The following LRP1 variants were observed in gnomAD, a reference collection of about 807,000 sequenced individuals.
LRP1 encodes prolow-density lipoprotein receptor-related protein 1.
Under a neutral mutation model 541.5 loss-of-function variants are expected in LRP1, and 51 were observed. That is an observed-to-expected ratio of 0.09 (90% CI 0.08 to 0.12). LRP1 has a LOEUF of 0.12. Ranked by LOEUF, LRP1 falls within the 10% of genes least tolerant of loss-of-function variation. LRP1 has a pLI of 1.00. For missense variants in LRP1, 3,878 were observed against 6,376.2 expected (o/e 0.61, Z 13.34); for synonymous variants, 2,219 against 2,470.8 (o/e 0.90, Z 3.02).
chr12:57,155,991 G>A, intron 8 of LRP1, 103 bp from the exon 9 acceptor site: 6 of 839,252 alleles, frequency 7.1e-6, no homozygotes, highest in Non-Finnish European at 1.2e-5. Context: ...GGATGAATTG[G>A]GGAATGCAGG....
intron 41 of LRP1, 89 bp from the exon 42 acceptor site, chr12:57,187,178 G>T: frequency 7.3e-7 from 1 of 1,375,614 alleles, no homozygotes; most frequent in African/African-American, 1.4e-5. Flanking sequence ...CCAGCCAGGA[G>T]AGCACCTGCC....
At chr12:57,170,162 T>C (rs952969842) in intron 20 of LRP1, among the ~76,000 whole-genome samples, 9 of 152,224 alleles carry the variant, frequency 5.9e-5, no homozygotes, top group African/African-American at 2.2e-4. Flanking sequence ...GTGTCCTCCC[T>C]GTGGGCATGT....
At position 57,206,469 on chromosome 12, in the gene LRP1, C is replaced by G. The variant is rs764118726; in HGVS notation, c.11591-4C>G. 1.9e-6 allele frequency: 3 copies of G among 1,613,498 alleles called. No homozygotes were observed. The highest frequency in any genetic ancestry group is 2.5e-6 in the Non-Finnish European group (3 of 1,179,764). On this transcript the variant is annotated splice_region_variant and splice_polypyrimidine_tract_variant and intron_variant, in intron 75 of 88. Transcript: ENST00000243077. This position sits in a 1 kb window ranked among gnomAD's most constrained non-coding sequence, Gnocchi z 4.7. ...GCCCCAGCCCTGGCCTCTTGCTTCT[C>G]CAGGCTCTGAGTACCAGGTCCTGTA... is the stretch of plus-strand genomic sequence containing the variant.
chr12:57,210,001 A>T (rs754935033), intron 80 of LRP1, 28 bp from the exon 81 acceptor site: 25 of 1,589,958 alleles, frequency 1.6e-5, no homozygotes, highest in Non-Finnish European at 2.1e-5. Flanking sequence ...CCTGCTCAGC[A>T]TCCTCCCCAC....
In LRP1 at chr12:57,201,604, G is replaced by C; in HGVS notation, c.10453G>C (p.Glu3485Gln). The C allele has an allele frequency of 6.2e-7, 1 of 1,613,238 alleles. No homozygotes were observed. The highest frequency in any genetic ancestry group is 8.5e-7 in the Non-Finnish European group (1 of 1,179,376). The change falls in exon 66 of 89, where the codon GAG becomes CAG. Residue 3485 changes from glutamate (E) to glutamine (Q), a missense_variant. This residue lies in a region of LRP1 where 278 missense variants were observed against 536.3 expected (regional missense o/e 0.52). Coordinates refer to ENST00000243077, the MANE Select transcript of LRP1 (RefSeq NM_002332.3). This position sits in a 1 kb window ranked among gnomAD's most constrained non-coding sequence, Gnocchi z 6.4. Reference sequence around the variant, plus strand: ...CAATGACTGTGTGGATGGCAGTGATGAGCCCGCCAACTGCAGTGAGTTGCC... The same window carrying C: ...CAATGACTGTGTGGATGGCAGTGATCAGCCCGCCAACTGCAGTGAGTTGCC... ...RDNDCVDGSDEPANCTQMTCG... is the reference protein window; with the variant it reads ...RDNDCVDGSDQPANCTQMTCG...
intron 6 of LRP1, among the ~76,000 whole-genome samples, chr12:57,147,235 C>T (rs921783813): frequency 1.3e-5 from 2 of 152,048 alleles, no homozygotes; most frequent in African/African-American, 4.8e-5. Flanking sequence ...CCTCCCCCTG[C>T]TCCACGTCCC....
intron 6 of LRP1, among the ~76,000 whole-genome samples, chr12:57,150,251 A>G (rs1200388712): frequency 4.8e-5 from 6 of 124,808 alleles, no homozygotes; most frequent in African/African-American, 6.3e-5. Flanking sequence ...GAGTGCAGTG[A>G]TGCAATCTTG....
chr12:57,195,945 G>A lies in LRP1; in HGVS notation c.8643G>A (p.Glu2881=), dbSNP rs2036522951. 1.2e-6 allele frequency: 2 copies of A among 1,613,490 alleles called. No homozygotes were observed. Among genetic ancestry groups the A allele is most frequent in the South Asian group, 1.1e-5 (1 of 91,090 alleles). Residue 2881 remains glutamate, a synonymous_variant, in exon 54 of 89, where the codon GAG becomes GAA. Transcript: ENST00000243077. The part of the protein sequence containing the change: ...LSSRQWECDG[E]NDCHDQSDEA... ...CCCGCCAGTGGGAGTGTGATGGCGA[G>A]AATGACTGCCACGACCAGAGTGACG...
chr12:57,128,623 T>G lies in LRP1; in HGVS notation c.-342T>G, dbSNP rs2034965130. The G allele has an allele frequency of 3.4e-6, 1 of 290,724 alleles. No homozygotes were observed. The highest frequency in any genetic ancestry group is 6.3e-6 in the Non-Finnish European group (1 of 158,566). 18.0% of individuals were successfully genotyped at this position (290,724 alleles called of 1,614,324 possible). The stretch of plus-strand genomic sequence containing the variant: ...ACGCCCCCCACCCCCCCTCCCCGCC[T>G]CCTCCCAATTGTGCATTTTTGCAGC... On this transcript the variant is annotated 5_prime_UTR_variant, in exon 1 of 89. Coordinates refer to ENST00000243077, the MANE Select transcript of LRP1 (RefSeq NM_002332.3).
chr12:57,193,483 G>A (rs1397873004), intron 46 of LRP1, 83 bp from the exon 47 acceptor site: 2 of 1,556,976 alleles, frequency 1.3e-6, no homozygotes, highest in Non-Finnish European at 1.7e-6. Flanking sequence ...GGGGTGGCCA[G>A]CTGGACACGT....
At position 57,195,698 on chromosome 12, in the gene LRP1, G is replaced by T; in HGVS notation, c.8478G>T (p.Gln2826His). 6.2e-6 allele frequency: 10 copies of T among 1,614,154 alleles called. No homozygotes were observed. Among genetic ancestry groups the T allele is most frequent in the Non-Finnish European group, 8.5e-6 (10 of 1,180,022 alleles). Residue 2826 changes from glutamine (Q) to histidine (H), a missense_variant, in exon 53 of 89, where the codon CAG becomes CAT. By Grantham distance (24) the Gln-to-His change is conservative. Around this residue, in one of 13 missense-constraint regions of LRP1, gnomAD observed 1,100 missense variants for 1,827.4 expected, o/e 0.60. Coordinates refer to ENST00000243077, the MANE Select transcript of LRP1 (RefSeq NM_002332.3). ...GTGACGACCGTGAGTTCATGTGCCA[G>T]AACCGCCAGTGCATCCCCAAGCACT... ...STCDDREFMC[Q>H]NRQCIPKHFV...
At position 57,203,254 on chromosome 12, in the gene LRP1, T is replaced by C. The variant is rs754459908; in HGVS notation, c.10785T>C (p.Asp3595=). 5 of 1,611,430 alleles carry C rather than the reference T, an allele frequency of 3.1e-6. No individual in the cohort carries two copies. Among genetic ancestry groups the C allele is most frequent in the Admixed American group, 1.7e-5 (1 of 59,896 alleles). The change falls in exon 69 of 89, where the codon GAT becomes GAC. Residue 3595 remains aspartate, a synonymous_variant. Transcript: ENST00000243077. ...GCATCGCGGGGCGCTGGAAATGCGA[T>C]GGAGACCACGACTGCGCGGACGGCT... ...GRCIAGRWKC[D]GDHDCADGSD...
At chr12:57,202,986 G>A in intron 68 of LRP1, 195 bp from the exon 69 acceptor site, 3 of 585,710 alleles carry the variant, frequency 5.1e-6, no homozygotes, top group Non-Finnish European at 9.1e-6. Context: ...CATGGGGTAA[G>A]TGCGAGCCCG....
At position 57,205,639 on chromosome 12, in the gene LRP1, G is replaced by A. The variant is rs146271188; in HGVS notation, c.11552G>A (p.Arg3851Gln). The A allele has an allele frequency of 6.1e-5, 99 of 1,613,050 alleles. No individual in the cohort carries two copies. The highest frequency in any genetic ancestry group is 1.3e-5 in the Non-Finnish European group (15 of 1,180,024). The change falls in exon 75 of 89, where the codon CGG (arginine) becomes CAG (glutamine). Residue 3851 changes from arginine to glutamine, a missense_variant. Arg to Gln is a conservative substitution (Grantham distance 43). This residue lies in a region of LRP1 where 871 missense variants were observed against 1,212.4 expected (regional missense o/e 0.72). Transcript: ENST00000243077. The surrounding 1 kb of genome is among the most constrained non-coding windows in gnomAD (Gnocchi z 4.6). ...TKGGHLCSCARNFMKTHNTCK... is the reference protein window; with the variant it reads ...TKGGHLCSCAQNFMKTHNTCK... ...GGCGGCCACCTCTGCAGCTGCGCTCGGAACTTCATGAAGACGCACAACACC... is the reference window on the plus strand; with the variant it reads ...GGCGGCCACCTCTGCAGCTGCGCTCAGAACTTCATGAAGACGCACAACACC...
intron 11 of LRP1, 64 bp from the exon 12 acceptor site, chr12:57,159,761 C>T (rs2035690452): frequency 1.3e-6 from 2 of 1,564,748 alleles, no homozygotes; most frequent in African/African-American, 1.4e-5. Context: ...CCGGGAGGGC[C>T]AGAGGCAGGC....
rs1440900128 is a variant in LRP1, at chr12:57,195,659, G to A, written c.8439G>A (p.Leu2813=). 3 of 1,614,092 alleles carry A rather than the reference G, an allele frequency of 1.9e-6. No individual in the cohort carries two copies. The highest frequency in any genetic ancestry group is 1.7e-4 in the Middle Eastern group (1 of 6,060). The change falls in exon 53 of 89, where the codon TTG becomes TTA. Residue 2813 remains leucine (L), a splice_region_variant and synonymous_variant. Transcript: ENST00000243077. ...GGCTGTGTCCACCTCTGTCCACAGTGTACAACAGCACTTGTGACGACCGTG... is the reference window on the plus strand; with the variant it reads ...GGCTGTGTCCACCTCTGTCCACAGTATACAACAGCACTTGTGACGACCGTG... ...GADESIAAGC[L]YNSTCDDREF...
chr12:57,193,224 G>A lies in LRP1; in HGVS notation c.7604G>A (p.Gly2535Asp). Reference sequence around the variant, plus strand: ...CAAGATGAGTTTGAGTGTGCCAATGGCGAGTGCATCAACTTCAGCCTGACC... The same window carrying A: ...CAAGATGAGTTTGAGTGTGCCAATGACGAGTGCATCAACTTCAGCCTGACC... ...RAQDEFECAN[G>D]ECINFSLTCD... The change falls in exon 46 of 89, where the codon GGC becomes GAC. Residue 2535 changes from glycine to aspartate, a missense_variant. Gly to Asp is a moderately conservative substitution (Grantham distance 94, BLOSUM62 -1). Around this residue, in one of 13 missense-constraint regions of LRP1, gnomAD observed 1,100 missense variants for 1,827.4 expected, o/e 0.60. Coordinates refer to ENST00000243077, the MANE Select transcript of LRP1 (RefSeq NM_002332.3). 6.2e-7 allele frequency: 1 copy of A among 1,614,116 alleles called. No individual in the cohort carries two copies. Among genetic ancestry groups the A allele is most frequent in the African/African-American group, 1.3e-5 (1 of 75,020 alleles).
In LRP1 at chr12:57,156,222, T is replaced by C; in HGVS notation, c.1356T>C (p.Val452=). 1 of 1,614,136 alleles carries C rather than the reference T, an allele frequency of 6.2e-7. No homozygotes were observed. Among genetic ancestry groups the C allele is most frequent in the Non-Finnish European group, 8.5e-7 (1 of 1,180,034 alleles). Residue 452 remains valine (V), a synonymous_variant, in exon 9 of 89, where the codon GTT becomes GTC. Coordinates refer to ENST00000243077, the MANE Select transcript of LRP1 (RefSeq NM_002332.3). The surrounding 1 kb of genome is among the most constrained non-coding windows in gnomAD (Gnocchi z 5.2). The part of the protein sequence containing the change: ...VNRFNSTEYQ[V]VTRVDKGGAL... ...GCTTTAACAGCACCGAGTACCAGGT[T>C]GTCACCCGGGTGGACAAGGGTGGTG... is the stretch of plus-strand genomic sequence containing the variant.
rs1210735326 is a variant in LRP1, at chr12:57,201,575, G to A, written c.10424G>A (p.Arg3475Gln). 1.2e-5 allele frequency: 19 copies of A among 1,613,910 alleles called. No homozygotes were observed. The highest frequency in any genetic ancestry group is 1.6e-4 in the Middle Eastern group (1 of 6,082). The change falls in exon 66 of 89, where the codon CGG becomes CAG. Residue 3475 changes from arginine to glutamine, a missense_variant. Transcript: ENST00000243077. This position sits in a 1 kb window ranked among gnomAD's most constrained non-coding sequence, Gnocchi z 6.4. The part of the protein sequence containing the change: ...RCIPRVWVCD[R>Q]DNDCVDGSDE... ...ATCCCCCGGGTCTGGGTCTGCGACC[G>A]GGACAATGACTGTGTGGATGGCAGT...
Sources: gnomAD v4.1 joint callset for allele counts (sites outside exome capture counted in the v4.1 genomes callset) on GRCh38, gnomAD v4.1.1 for gene constraint, gnomAD v4.1.1 regional missense constraint, Gnocchi (gnomAD v3.1) non-coding constraint, MANE v1.5 for transcripts, NCBI Gene and HGNC (gene_info 2026-07-23, HGNC 2026-07-21) for gene names.